The following NEK7 variants were observed in gnomAD, a reference collection of about 807,000 sequenced individuals.
The protein encoded by NEK7 is NIMA related kinase 7.
In NEK7, 18 loss-of-function variants were observed where a neutral mutation model predicts 44.6. That is an observed-to-expected ratio of 0.40 (90% CI 0.28 to 0.60). The LOEUF is 0.60. Ranked by LOEUF, NEK7 falls within the 20% of genes least tolerant of loss-of-function variation. The pLI, the probability that NEK7 is intolerant of heterozygous loss-of-function variation, is 0.38. For synonymous variants in NEK7, 130 were observed against 121.1 expected, an observed-to-expected ratio of 1.07 and a Z score of -0.48; for missense variants, 256 against 366.5, an observed-to-expected ratio of 0.70 and a Z score of 2.46.
chr1:198,291,893 C>G (rs1055026691), intron 7 of NEK7, among the ~76,000 whole-genome samples: 7 of 151,992 alleles, frequency 4.6e-5, no homozygotes, highest in African/African-American at 1.7e-4. Context: ...CTTTTTGTTG[C>G]TTCTGACTAA....
At chr1:198,200,551 T>TC (rs1558053019) in intron 1 of NEK7, among the ~76,000 whole-genome samples, 1 of 141,926 alleles carries the variant, frequency 7.0e-6, no homozygotes, top group East Asian at 1.9e-4. Flanking sequence ...TTTCTTTCTT[T>TC]CTTTTTTTTT....
At chr1:198,283,436 C>T (rs1654272342) in intron 7 of NEK7, among the ~76,000 whole-genome samples, 1 of 152,110 alleles carries the variant, frequency 6.6e-6, no homozygotes, top group Non-Finnish European at 1.5e-5. Flanking sequence ...AATGTTTACA[C>T]TGCCTGTGGT....
intron 1 of NEK7, among the ~76,000 whole-genome samples, chr1:198,191,011 A>G (rs1400112525): frequency 6.6e-6 from 1 of 152,094 alleles, no homozygotes; most frequent in Non-Finnish European, 1.5e-5. Flanking sequence ...TTTTGAAACA[A>G]GTAGTAACAT....
At chr1:198,183,803 A>G (rs1388762799) in intron 1 of NEK7, among the ~76,000 whole-genome samples, 2 of 152,204 alleles carry the variant, frequency 1.3e-5, no homozygotes, top group South Asian at 2.1e-4. Flanking sequence ...CTGGAAACAC[A>G]GTGGTGATAA....
Position 198,231,269 on chromosome 1 carries a change from ATG to A in NEK7, c.-28-1274_-28-1273del, listed in dbSNP as rs1188829035. Among the ~76,000 whole-genome samples the A allele has an allele frequency of 2.1e-5, 3 of 140,782 alleles. No homozygotes were observed. In the South Asian group the frequency reaches 7.0e-4, roughly 33 times the overall value. 92.4% of individuals were successfully genotyped at this position (140,782 alleles called of 152,430 possible). A position where few individuals can be genotyped will look rare whatever the true frequency, so the allele number is the denominator to read the frequency against. ...CAGCAAGGAAAGTGCAGATACCTAT[ATG>A]TGTGTGTGTATATACGTGTATGTGT... On this transcript the variant is annotated intron_variant, in intron 1 of 9. Transcript: ENST00000367385.
chr1:198,218,451 C>T lies in NEK7; in HGVS notation c.-28-14102C>T, dbSNP rs181790329. Among the ~76,000 whole-genome samples the T allele has an allele frequency of 7.4e-4, 112 of 151,936 alleles. 1 individual carries two copies. Among genetic ancestry groups the T allele is most frequent in the Non-Finnish European group, 1.3e-4 (9 of 67,840 alleles). On this transcript the variant is annotated intron_variant, in intron 1 of 9. Coordinates refer to ENST00000367385, the MANE Select transcript of NEK7 (RefSeq NM_133494.3). ...TGGATTAAAGATTTAAATCCAAGAC[C>T]TGAAACTATAAAAATTCTAGAAGAA... is the stretch of plus-strand genomic sequence containing the variant.
intron 9 of NEK7, among the ~76,000 whole-genome samples, chr1:198,302,906 A>G (rs766360639): frequency 4.6e-5 from 7 of 152,152 alleles, no homozygotes; most frequent in African/African-American, 9.7e-5. Context: ...ACAGAGCCCA[A>G]AGTAAACTCT....
At chr1:198,229,816 G>T (rs1015037692) in intron 1 of NEK7, among the ~76,000 whole-genome samples, 1 of 147,264 alleles carries the variant, frequency 6.8e-6, no homozygotes, top group Admixed American at 6.8e-5. Context: ...CTGTAGAAAT[G>T]AGTTCTTTAT....
At chr1:198,179,137 A>G (rs1369597638) in intron 1 of NEK7, among the ~76,000 whole-genome samples, 3 of 152,018 alleles carry the variant, frequency 2.0e-5, no homozygotes, top group African/African-American at 4.8e-5. Context: ...CTCATTGAGT[A>G]TAGGAAATAT....
chr1:198,246,591 C>G (rs1243312646), intron 2 of NEK7, among the ~76,000 whole-genome samples: 3 of 152,242 alleles, frequency 2.0e-5, no homozygotes. Flanking sequence ...CTTAATAAAC[C>G]AAGACAGTGT....
chr1:198,296,653 TC>T (rs1312258682), intron 8 of NEK7, among the ~76,000 whole-genome samples: 2 of 152,200 alleles, frequency 1.3e-5, no homozygotes, highest in African/African-American at 4.8e-5. Flanking sequence ...ATAACCTTTA[TC>T]TTCAGAAACT....
intron 2 of NEK7, among the ~76,000 whole-genome samples, chr1:198,239,792 T>C (rs4915272): frequency 0.13 from 19,925 of 152,148 alleles, 1,997 homozygotes; most frequent in East Asian, 0.57. Flanking sequence ...CAGGGATTCA[T>C]TCTGAGAACT....
At chr1:198,298,676 T>C (rs1558100847) in intron 9 of NEK7, among the ~76,000 whole-genome samples, 1 of 152,218 alleles carries the variant, frequency 6.6e-6, no homozygotes, top group East Asian at 1.9e-4. Flanking sequence ...GGGGCCTTTC[T>C]TTGTTGTGTC....
At chr1:198,210,018 A>G (rs1665717299) in intron 1 of NEK7, among the ~76,000 whole-genome samples, 1 of 152,052 alleles carries the variant, frequency 6.6e-6, no homozygotes, top group Non-Finnish European at 1.5e-5. Context: ...GGCTGGTCTT[A>G]AACTTCTGAG....
chr1:198,304,000 G>A (rs951181714), intron 9 of NEK7, among the ~76,000 whole-genome samples: 6 of 152,034 alleles, frequency 3.9e-5, no homozygotes, highest in African/African-American at 1.2e-4. Flanking sequence ...CACAGTATCA[G>A]TTGGCCACCT....
At chr1:198,157,923 A>G (rs889984034) in intron 1 of NEK7, among the ~76,000 whole-genome samples, 19 of 152,248 alleles carry the variant, frequency 1.2e-4, no homozygotes, top group Non-Finnish European at 2.2e-4. Flanking sequence ...AAGAAATTGA[A>G]AACTGAGGCC....
intron 7 of NEK7, among the ~76,000 whole-genome samples, 155 bp downstream of exon 7, chr1:198,279,216 A>G (rs1041175565): frequency 6.7e-5 from 9 of 134,236 alleles, no homozygotes; most frequent in Non-Finnish European, 9.7e-5. Context: ...TCTATTAGGT[A>G]TAAGGTTTCC....
At chr1:198,161,754 C>T (rs115849013) in intron 1 of NEK7, among the ~76,000 whole-genome samples, 2 of 152,066 alleles carry the variant, frequency 1.3e-5, no homozygotes, top group Admixed American at 1.3e-4. Flanking sequence ...GAATGAATGC[C>T]TGTCTGTGGC....
At chr1:198,195,728 G>A (rs1665209565) in intron 1 of NEK7, among the ~76,000 whole-genome samples, 1 of 152,194 alleles carries the variant, frequency 6.6e-6, no homozygotes, top group African/African-American at 2.4e-5. Flanking sequence ...GGGAGGCTGA[G>A]GCAGGAGAAT....
Sources: allele counts gnomAD v4.1 joint callset (sites outside exome capture counted in the v4.1 genomes callset), GRCh38; gene constraint gnomAD v4.1.1; transcripts MANE v1.5; gene names NCBI Gene and HGNC (gene_info 2026-07-23, HGNC 2026-07-21).